The following HIPK1 variants were observed in gnomAD, a reference collection of about 807,000 sequenced individuals.
The protein encoded by HIPK1 is homeodomain-interacting protein kinase 1.
A neutral mutation model predicts 117.1 loss-of-function variants in HIPK1; 28 were observed. The ratio of observed to expected loss-of-function variants is 0.24; its 90% CI spans 0.18 to 0.33. The LOEUF is 0.33. HIPK1 is among the 10% of genes least tolerant of loss of function. The pLI is 1.00. For missense variants in HIPK1, 1,122 were observed against 1,475.1 expected (o/e 0.76, Z 3.92); for synonymous variants, 605 against 562.5 (o/e 1.08, Z -1.07).
At chr1:113,938,927 A>C (rs7551397) in intron 1 of HIPK1, among the ~76,000 whole-genome samples, 14 of 118,416 alleles carry the variant, frequency 1.2e-4, no homozygotes, top group East Asian at 2.5e-4. Flanking sequence ...AAAAAAAAAA[A>C]ATACACACAC....
chr1:113,942,910 AC>A (rs1323300915), intron 2 of HIPK1, among the ~76,000 whole-genome samples: 1 of 152,198 alleles, frequency 6.6e-6, no homozygotes, highest in Non-Finnish European at 1.5e-5. Context: ...AACATAGATA[AC>A]CTATAAAATA....
chr1:113,961,902 C>G (rs1672139304), intron 8 of HIPK1, among the ~76,000 whole-genome samples: 1 of 129,368 alleles, frequency 7.7e-6, no homozygotes, highest in African/African-American at 3.0e-5. Flanking sequence ...CAGATAGCAT[C>G]ACTGCACTCC....
intron 1 of HIPK1, chr1:113,929,760 A>G: frequency 1.2e-6 from 1 of 800,240 alleles, no homozygotes; most frequent in Non-Finnish European, 1.5e-6. Context: ...AGCGGGAGGG[A>G]GGCTGAGGAG....
chr1:113,960,778 A>G (rs1477147038), intron 8 of HIPK1, among the ~76,000 whole-genome samples: 1 of 152,152 alleles, frequency 6.6e-6, no homozygotes, highest in Non-Finnish European at 1.5e-5. Context: ...TAGTGTTTTA[A>G]TTCTGATTTT....
At chr1:113,950,896 T>C (rs554708824) in intron 2 of HIPK1, among the ~76,000 whole-genome samples, 2 of 152,318 alleles carry the variant, frequency 1.3e-5, no homozygotes, top group African/African-American at 2.4e-5. Context: ...GGTAATACTT[T>C]TATTGCATAG....
rs1672949404 is a variant in HIPK1 at position 113,973,108 on chromosome 1, C to G, written c.3229C>G (p.Leu1077Val). The change falls in exon 16 of 16, where the codon CTC becomes GTC. Residue 1077 changes from leucine (L) to valine (V), a missense_variant. Leu to Val is a conservative substitution (Grantham distance 32, BLOSUM62 1). Transcript: ENST00000426820. ...PRRQQAFVAPLSQAPYTFQHG... is the reference protein window; with the variant it reads ...PRRQQAFVAPVSQAPYTFQHG... The stretch of plus-strand genomic sequence containing the variant: ...CAGGCAGCAGGCGTTTGTGGCCCCT[C>G]TCTCCCAAGCCCCCTACACCTTCCA... The G allele has an allele frequency of 4.5e-6, 7 of 1,555,490 alleles. No homozygotes were observed. Among genetic ancestry groups the G allele is most frequent in the Non-Finnish European group, 5.2e-6 (6 of 1,149,410 alleles).
chr1:113,964,605 A>G (rs182726556), intron 10 of HIPK1, among the ~76,000 whole-genome samples: 1 of 152,328 alleles, frequency 6.6e-6, no homozygotes, highest in East Asian at 1.9e-4. Flanking sequence ...TTTCTTAAGT[A>G]TTCATGTGAG....
chr1:113,942,045 G>A (rs754197717), intron 2 of HIPK1, among the ~76,000 whole-genome samples: 5 of 151,264 alleles, frequency 3.3e-5, no homozygotes, highest in African/African-American at 1.2e-4. Flanking sequence ...ACAGGCGTGA[G>A]CCACCGTGCC....
intron 11 of HIPK1, among the ~76,000 whole-genome samples, chr1:113,966,478 A>G (rs1404556246): frequency 6.6e-6 from 1 of 152,218 alleles, no homozygotes; most frequent in Non-Finnish European, 1.5e-5. Flanking sequence ...GTCAGGAATC[A>G]TTTCTTCTAG....
intron 1 of HIPK1, among the ~76,000 whole-genome samples, chr1:113,932,624 C>T (rs1337587052): frequency 1.3e-5 from 2 of 152,164 alleles, no homozygotes; most frequent in African/African-American, 2.4e-5. Context: ...AGTGATCCAC[C>T]TGCCTCGGCC....
intron 2 of HIPK1, among the ~76,000 whole-genome samples, chr1:113,952,270 A>C (rs1201697224): frequency 2.0e-5 from 3 of 146,534 alleles, no homozygotes; most frequent in African/African-American, 7.6e-5. Flanking sequence ...TTTTTTTTTT[A>C]TGATTGAAAT....
rs760167553 is a variant in HIPK1 at position 113,968,496 on chromosome 1, C to T, written c.2619C>T (p.Pro873=). 6.2e-7 allele frequency: 1 copy of T among 1,614,116 alleles called. No homozygotes were observed. The highest frequency in any genetic ancestry group is 8.5e-7 in the Non-Finnish European group (1 of 1,179,972). The part of the protein sequence containing the change: ...SQVYSLVGSS[P]LRTTSSYNSL... ...TCTATTCTCTGGTTGGGAGCAGTCC[C>T]CTCCGCACCACATCTTCTTATAATT... is the stretch of plus-strand genomic sequence containing the variant. Residue 873 remains proline, a synonymous_variant, in exon 13 of 16, where the codon CCC becomes CCT. Coordinates refer to ENST00000426820, the MANE Select transcript of HIPK1 (RefSeq NM_198268.3).
intron 14 of HIPK1, among the ~76,000 whole-genome samples, chr1:113,970,664 A>T (rs931837646): frequency 2.6e-5 from 4 of 152,214 alleles, no homozygotes; most frequent in Admixed American, 2.0e-4. Flanking sequence ...TTACCAACCC[A>T]ATTACTTCCA....
At chr1:113,970,899 A>G (rs1333488635) in intron 14 of HIPK1, among the ~76,000 whole-genome samples, 1 of 152,224 alleles carries the variant, frequency 6.6e-6, no homozygotes, top group African/African-American at 2.4e-5. Flanking sequence ...TAACCTCTTT[A>G]GGCTGGAAAT....
In HIPK1 at chr1:113,971,950, G is replaced by T. The variant is rs1271318925; in HGVS notation, c.3140G>T (p.Ser1047Ile). ...GTSAAQPLNL[S>I]QNQQSSAAPT... is the part of the protein sequence containing the mutation. ...AGTGCAGCACAACCACTCAATCTTA[G>T]CCAGGTAAGTGCTATGGGCTACTGC... The change falls in exon 15 of 16, where the codon AGC (serine) becomes ATC (isoleucine). Residue 1047 changes from serine (S) to isoleucine (I), a missense_variant. Around this residue, in one of 6 missense-constraint regions of HIPK1, gnomAD observed 731 missense variants for 860.4 expected, o/e 0.85. Transcript: ENST00000426820. The T allele has an allele frequency of 6.2e-7, 1 of 1,611,272 alleles. No individual in the cohort carries two copies. The highest frequency in any genetic ancestry group is 8.5e-7 in the Non-Finnish European group (1 of 1,178,770).
chr1:113,936,259 T>G (rs1253158791), intron 1 of HIPK1, among the ~76,000 whole-genome samples: 1 of 152,196 alleles, frequency 6.6e-6, no homozygotes, highest in Non-Finnish European at 1.5e-5. Context: ...TCCTTTCCCC[T>G]TGGGTGAACT....
intron 1 of HIPK1, among the ~76,000 whole-genome samples, chr1:113,937,927 GC>G (rs1422571021): frequency 1.3e-5 from 2 of 152,006 alleles, no homozygotes; most frequent in African/African-American, 4.8e-5. Flanking sequence ...ATGTTGGAAG[GC>G]AGCAAGCAGA....
At chr1:113,952,979 G>T (rs866815797) in intron 3 of HIPK1, 90 bp downstream of exon 3, 1 of 1,187,256 alleles carries the variant, frequency 8.4e-7, no homozygotes, top group East Asian at 2.9e-5. Context: ...TACTACTGAA[G>T]TATTTAGATA....
At position 113,973,679 on chromosome 1, in the gene HIPK1, T is replaced by C; in HGVS notation, c.*167T>C. On this transcript the variant is annotated 3_prime_UTR_variant, in exon 16 of 16. Transcript: ENST00000426820. ...AGGTTTTTCTCTGGGGGAACCTGTC[T>C]CAGTGTTGACTGCATTGTTGTAGTC... is the stretch of plus-strand genomic sequence containing the variant. 1.5e-6 allele frequency: 1 copy of C among 687,270 alleles called. No homozygotes were observed. The highest frequency in any genetic ancestry group is 2.4e-5 in the South Asian group (1 of 41,036). The allele number at this position is 687,270 out of a possible 1,614,324, so 42.6% of individuals were successfully genotyped here. A position where few individuals can be genotyped will look rare whatever the true frequency, so the allele number is the denominator to read the frequency against.
Sources: gnomAD v4.1 joint callset for allele counts (sites outside exome capture counted in the v4.1 genomes callset) on GRCh38, gnomAD v4.1.1 for gene constraint, gnomAD v4.1.1 regional missense constraint, MANE v1.5 for transcripts, NCBI Gene and HGNC (gene_info 2026-07-23, HGNC 2026-07-21) for gene names.